Variants in ELL observed in about 807,000 individuals in gnomAD.
ELL encodes elongation factor for RNA polymerase II, also known as RNA polymerase II elongation factor ELL.
In ELL, 18 loss-of-function variants were observed where a neutral mutation model predicts 64.0. The ratio of observed to expected loss-of-function variants is 0.28; its 90% CI spans 0.19 to 0.42. The LOEUF (loss-of-function observed/expected upper bound fraction) is 0.42. ELL is among the 10% of genes least tolerant of loss of function. The pLI, the probability that ELL is intolerant of heterozygous loss-of-function variation, is 1.00. For missense variants in ELL, 797 were observed against 870.4 expected, an observed-to-expected ratio of 0.92 and a Z score of 1.06; for synonymous variants, 399 against 376.2, an observed-to-expected ratio of 1.06 and a Z score of -0.70.
Position 18,444,866 on chromosome 19 carries a change from G to A in ELL, c.1752C>T (p.Thr584=). The A allele has an allele frequency of 1.9e-6, 3 of 1,611,040 alleles. No individual in the cohort carries two copies. The highest frequency in any genetic ancestry group is 2.5e-6 in the Non-Finnish European group (3 of 1,179,664). The change falls in exon 12 of 12, where the codon ACC becomes ACT. Residue 584 remains threonine, a splice_region_variant and synonymous_variant. Transcript: ENST00000262809. ...ILQEYRKIKK[T]NTNYSQEKHR... ...GCTTCTCCTGGCTGTAGTTGGTGTT[G>A]GTCTGTGGGACAGCACAGTCATGCT...
At chr19:18,494,547 C>T (rs1215238517) in intron 1 of ELL, among the ~76,000 whole-genome samples, 2 of 152,122 alleles carry the variant, frequency 1.3e-5, no homozygotes, top group Non-Finnish European at 2.9e-5. Flanking sequence ...CCTGCCACCA[C>T]ACCTGACTAA....
intron 1 of ELL, among the ~76,000 whole-genome samples, chr19:18,509,593 G>GCGCA (rs1438642062): frequency 1.2e-5 from 1 of 83,240 alleles, no homozygotes; most frequent in Non-Finnish European, 2.9e-5. Flanking sequence ...GCGCGCGCGC[G>GCGCA]CACATACACA....
chr19:18,503,473 C>A (rs1432218877), intron 1 of ELL, among the ~76,000 whole-genome samples: 2 of 152,160 alleles, frequency 1.3e-5, no homozygotes, highest in Non-Finnish European at 2.9e-5. Context: ...GATGTGGGCT[C>A]TTGGAGGTGA....
chr19:18,500,361 G>A (rs779566261), intron 1 of ELL, among the ~76,000 whole-genome samples: 5 of 151,846 alleles, frequency 3.3e-5, no homozygotes, highest in Non-Finnish European at 5.9e-5. Flanking sequence ...TGTGCATATC[G>A]TGGGTTTGTA....
At chr19:18,483,618 A>T (rs1431235620) in intron 1 of ELL, among the ~76,000 whole-genome samples, 1 of 152,216 alleles carries the variant, frequency 6.6e-6, no homozygotes, top group East Asian at 1.9e-4. Flanking sequence ...GGGCTGCCCG[A>T]GGTCACAGCA....
Position 18,458,253 on chromosome 19 carries a change from G to C in ELL, c.821C>G (p.Pro274Arg). The change falls in exon 6 of 12, where the codon CCT becomes CGT. Residue 274 changes from proline to arginine, a missense_variant. Transcript: ENST00000262809. ...CMYKDVQKDW[P>R]GYSEGDQQLL... The stretch of plus-strand genomic sequence containing the variant: ...CTGCTGGTCCCCCTCCGAGTAGCCA[G>C]GCCAGTCCTTCTGCACATCCTTGTA... 1.2e-6 allele frequency: 2 copies of C among 1,612,846 alleles called. No homozygotes were observed. The highest frequency in any genetic ancestry group is 1.7e-6 in the Non-Finnish European group (2 of 1,180,030).
At chr19:18,498,734 G>C (rs1004189160) in intron 1 of ELL, among the ~76,000 whole-genome samples, 2 of 152,176 alleles carry the variant, frequency 1.3e-5, no homozygotes, top group African/African-American at 4.8e-5. Context: ...AGGATCGCTT[G>C]AGCTCAGGAG....
Position 18,444,741 on chromosome 19 carries a change from G to A in ELL, c.*11C>T, listed in dbSNP as rs374104350. ...CCGACCCTCCCAGATCCCCGCCATC[G>A]GGGAGGGCGGCTAGGGCCAAGCCTG... On this transcript the variant is annotated 3_prime_UTR_variant, in exon 12 of 12. Coordinates refer to ENST00000262809, the MANE Select transcript of ELL (RefSeq NM_006532.4). 7.0e-5 allele frequency: 112 copies of A among 1,591,478 alleles called. No homozygotes were observed. Among genetic ancestry groups the A allele is most frequent in the African/African-American group, 6.2e-4 (46 of 74,628 alleles).
At chr19:18,445,088 C>T in intron 11 of ELL, 136 bp downstream of exon 11, 2 of 1,294,588 alleles carry the variant, frequency 1.5e-6, no homozygotes, top group Non-Finnish European at 2.2e-6. Flanking sequence ...GGTGGTGGGG[C>T]AACTTTGGCC....
chr19:18,462,370 C>CGGGGG (rs869305278), intron 4 of ELL, among the ~76,000 whole-genome samples: 1 of 23,056 alleles, frequency 4.3e-5, no homozygotes, highest in Non-Finnish European at 7.2e-5. Context: ...TGTGTTTGGG[C>CGGGGG]GGGGGGCGGG....
chr19:18,518,541 G>A (rs1976179886), intron 1 of ELL, among the ~76,000 whole-genome samples: 1 of 151,002 alleles, frequency 6.6e-6, no homozygotes. Flanking sequence ...TATAATCCCA[G>A]CACTTTGGGA....
rs374275217 is a variant in ELL at position 18,457,984 on chromosome 19, C to T, written c.869+221G>A. On this transcript the variant is annotated intron_variant, in intron 6 of 11. Transcript: ENST00000262809. ...GGTCGGGGCCAGTGACTCACACCTC[C>T]GTCCCACTCTGTGAGCGTGGCCTTC... is the stretch of plus-strand genomic sequence containing the variant. 1.4e-3 allele frequency among the ~76,000 whole-genome samples: 217 copies of T among 152,310 alleles called. 2 individuals carry two copies. In the South Asian group the frequency reaches 0.036, roughly 25 times the overall value.
chr19:18,513,849 T>C (rs1468099379), intron 1 of ELL, among the ~76,000 whole-genome samples: 1 of 152,062 alleles, frequency 6.6e-6, no homozygotes, highest in Non-Finnish European at 1.5e-5. Flanking sequence ...GAGAATGGCA[T>C]GAACCTGGGA....
In ELL at chr19:18,443,547, G is replaced by A. The variant is rs1026025266; in HGVS notation, c.*1205C>T. On this transcript the variant is annotated 3_prime_UTR_variant, in exon 12 of 12. Transcript: ENST00000262809. ...CATTCAGCCCTAAATGGGAACACAC[G>A]CCTCAGACCCCACCATGCCCTGGGG... is the stretch of plus-strand genomic sequence containing the variant. 6 of 233,388 alleles carry A rather than the reference G, an allele frequency of 2.6e-5. No individual in the cohort carries two copies. In the East Asian group the frequency reaches 3.0e-4, roughly 12 times the overall value. The allele number at this position is 233,388 out of a possible 1,614,324, so 14.5% of individuals were successfully genotyped here.
chr19:18,449,626 CAG>C lies in ELL; in HGVS notation c.1465+849_1465+850del, dbSNP rs1284823704. On this transcript the variant is annotated intron_variant, in intron 8 of 11. Transcript: ENST00000262809. The surrounding 1 kb of genome is among the most constrained non-coding windows in gnomAD (Gnocchi z 4.4). ...GAATCCCCTGACTCAGCCTCCTCCC[CAG>C]AGACACAACCCAAAAGCACAGCAGG... Among the ~76,000 whole-genome samples the C allele has an allele frequency of 4.6e-5, 7 of 152,190 alleles. No individual in the cohort carries two copies. Among genetic ancestry groups the C allele is most frequent in the Non-Finnish European group, 2.9e-5 (2 of 68,036 alleles).
Position 18,501,063 on chromosome 19 carries a change from C to G in ELL, c.135+20858G>C, listed in dbSNP as rs1449825665. Among the ~76,000 whole-genome samples the G allele has an allele frequency of 6.6e-6, 1 of 152,068 alleles. No individual in the cohort carries two copies. ...AAACTCACAGCAGGAGAGGCAATGC[C>G]GTCCCATCCCAAGCATGTGGGCGCA... On this transcript the variant is annotated intron_variant, in intron 1 of 11. Coordinates refer to ENST00000262809, the MANE Select transcript of ELL (RefSeq NM_006532.4). The surrounding 1 kb of genome is among the most constrained non-coding windows in gnomAD (Gnocchi z 4.5).
Position 18,444,341 on chromosome 19 carries a change from T to C in ELL, c.*411A>G. On this transcript the variant is annotated 3_prime_UTR_variant, in exon 12 of 12. Transcript: ENST00000262809. ...GTGTCCGAGGAGAGGGAGGCACAGG[T>C]TTAGAAAAAAGATTTTGCTTCTCTT... 1 of 241,370 alleles carries C rather than the reference T, an allele frequency of 4.1e-6. No homozygotes were observed. The highest frequency in any genetic ancestry group is 8.1e-6 in the Non-Finnish European group (1 of 122,718). 15.0% of individuals were successfully genotyped at this position (241,370 alleles called of 1,614,324 possible).
intron 7 of ELL, 87 bp from the exon 8 acceptor site, chr19:18,451,062 A>G: frequency 9.9e-6 from 14 of 1,409,754 alleles, no homozygotes; most frequent in Non-Finnish European, 1.3e-5. Context: ...AGAAAACCCA[A>G]CGCCGCCTGC....
intron 4 of ELL, among the ~76,000 whole-genome samples, chr19:18,462,688 AGG>A (rs760429873): frequency 2.0e-5 from 3 of 152,132 alleles, no homozygotes; most frequent in Non-Finnish European, 4.4e-5. Flanking sequence ...AACCTGAGGC[AGG>A]GGCTGTTTGT....
Sources: gnomAD v4.1 joint callset for allele counts (sites outside exome capture counted in the v4.1 genomes callset) on GRCh38, gnomAD v4.1.1 for gene constraint, Gnocchi (gnomAD v3.1) non-coding constraint, MANE v1.5 for transcripts, NCBI Gene and HGNC (gene_info 2026-07-23, HGNC 2026-07-21) for gene names.